The following GABRA3 variants were observed in gnomAD, a reference collection of about 807,000 sequenced individuals.
The protein encoded by GABRA3 is gamma-aminobutyric acid receptor subunit alpha-3.
GABRA3 carries 10 observed loss-of-function variants against 30.1 expected under a neutral mutation model. That is an observed-to-expected ratio of 0.33 (90% CI 0.20 to 0.56). The LOEUF (loss-of-function observed/expected upper bound fraction) is 0.56. Among genes scored for constraint, GABRA3 ranks in the 20% least tolerant of loss-of-function variants. The pLI is 0.89. For missense variants in GABRA3, 233 were observed against 392.0 expected (o/e 0.59, Z 3.42); for synonymous variants, 151 against 146.8 (o/e 1.03, Z -0.21).
intron 1 of GABRA3, among the ~76,000 whole-genome samples, chrX:152,426,671 A>G (rs754880698): frequency 8.9e-6 from 1 of 111,802 alleles, no homozygotes; most frequent in Non-Finnish European, 1.9e-5. Context: ...TCTTCGTTGC[A>G]TTCCTTATTC....
At chrX:152,224,705 T>C (rs1937904122) in intron 6 of GABRA3, 58 bp downstream of exon 6, 1 of 860,138 alleles carries the variant, frequency 1.2e-6, no homozygotes. Context: ...ATATGTTAAG[T>C]TTCTTTTGGA....
intron 1 of GABRA3, among the ~76,000 whole-genome samples, chrX:152,386,759 A>G (rs1343530597): frequency 9.0e-6 from 1 of 110,943 alleles, no homozygotes; most frequent in Non-Finnish European, 1.9e-5. Context: ...GGGATCTAGA[A>G]CCAGAAATAC....
intron 3 of GABRA3, among the ~76,000 whole-genome samples, chrX:152,303,542 G>T (rs1452491905): frequency 2.7e-5 from 3 of 111,851 alleles, no homozygotes; most frequent in African/African-American, 9.8e-5. Flanking sequence ...ATTTACAATA[G>T]CAAGGACTTG....
chrX:152,224,903 G>C lies in GABRA3; in HGVS notation c.552-58C>G, dbSNP rs996146876. 6.4e-5 allele frequency: 52 copies of C among 818,754 alleles called. No individual in the cohort carries two copies. The Middle Eastern group carries it at 8.7e-4, about 14-fold the overall frequency. The allele number at this position is 818,754 out of a possible 1,213,427, so 67.5% of individuals were successfully genotyped here. Reference sequence around the variant, plus strand: ...GCTAAAATAAATGTTATTAAACACAGGGCTGCATTCCCACTCAGTTCCTAA... The same window carrying C: ...GCTAAAATAAATGTTATTAAACACACGGCTGCATTCCCACTCAGTTCCTAA... On this transcript the variant is annotated intron_variant, in intron 5 of 9. Transcript: ENST00000370314.
intron 3 of GABRA3, among the ~76,000 whole-genome samples, chrX:152,332,894 T>C (rs936809579): frequency 8.9e-6 from 1 of 112,535 alleles, no homozygotes; most frequent in Non-Finnish European, 1.9e-5. Context: ...GGCTTGGGAA[T>C]TCAAATTCAG....
intron 6 of GABRA3, among the ~76,000 whole-genome samples, chrX:152,214,117 C>G (rs1937673265): frequency 9.0e-6 from 1 of 110,947 alleles, no homozygotes; most frequent in Non-Finnish European, 1.9e-5. Context: ...TATTATTCCA[C>G]TCTCTGTATC....
intron 5 of GABRA3, among the ~76,000 whole-genome samples, chrX:152,250,827 T>C (rs1938541209): frequency 9.0e-6 from 1 of 111,056 alleles, no homozygotes; most frequent in Admixed American, 9.6e-5. Context: ...AGTTTTCCCA[T>C]GGACTCCAGA....
At chrX:152,435,026 G>T (rs780691764) in intron 1 of GABRA3, among the ~76,000 whole-genome samples, 1 of 111,397 alleles carries the variant, frequency 9.0e-6, no homozygotes, top group African/African-American at 3.3e-5. Flanking sequence ...TCTACTAGAG[G>T]TCCTATCCAG....
intron 5 of GABRA3, among the ~76,000 whole-genome samples, chrX:152,252,073 G>A (rs1026594287): frequency 3.6e-5 from 4 of 110,934 alleles, no homozygotes; most frequent in African/African-American, 1.3e-4. Flanking sequence ...TCACAAATAT[G>A]TGTCAATCTC....
At chrX:152,322,955 C>T (rs1345333486) in intron 3 of GABRA3, among the ~76,000 whole-genome samples, 1 of 101,045 alleles carries the variant, frequency 9.9e-6, no homozygotes, top group Non-Finnish European at 2.0e-5. Context: ...CAGGTTCAAG[C>T]GATTCTCCTG....
At chrX:152,212,447 C>T (rs1055273023) in intron 6 of GABRA3, among the ~76,000 whole-genome samples, 9 of 109,227 alleles carry the variant, frequency 8.2e-5, no homozygotes, top group African/African-American at 2.0e-4. Flanking sequence ...TGTTGGAATA[C>T]GCACGTGTGT....
intron 1 of GABRA3, among the ~76,000 whole-genome samples, chrX:152,439,142 T>TTA (rs1237674665): frequency 9.1e-6 from 1 of 109,938 alleles, no homozygotes; most frequent in African/African-American, 3.3e-5. Flanking sequence ...TATTATTATT[T>TTA]TTTGAGATGA....
intron 4 of GABRA3, among the ~76,000 whole-genome samples, chrX:152,266,502 C>G (rs1347016551): frequency 3.6e-5 from 4 of 111,469 alleles, no homozygotes; most frequent in East Asian, 2.8e-4. Context: ...CCTCAGAATT[C>G]TATAGCCAAA....
At chrX:152,284,846 G>C in intron 3 of GABRA3, 111 bp from the exon 4 acceptor site, 1 of 452,480 alleles carries the variant, frequency 2.2e-6, no homozygotes, top group Non-Finnish European at 3.7e-6. Context: ...TTCTGAGAAA[G>C]GAAAACCCCT....
Position 152,343,786 on chromosome X carries a change from T to C in GABRA3, c.262+1795A>G, listed in dbSNP as rs535671825. Among the ~76,000 whole-genome samples, 18 of 112,428 alleles carry C rather than the reference T, an allele frequency of 1.6e-4. No homozygotes were observed. The South Asian group carries it at 5.8e-3, about 36-fold the overall frequency. On this transcript the variant is annotated intron_variant, in intron 3 of 9. Coordinates refer to ENST00000370314, the MANE Select transcript of GABRA3 (RefSeq NM_000808.4). ...CAAATATATATTTAACTTTACTTAATGTGTTTATTGTAGTACTATGGGTGT... is the reference window on the plus strand; with the variant it reads ...CAAATATATATTTAACTTTACTTAACGTGTTTATTGTAGTACTATGGGTGT...
At chrX:152,437,310 G>GATATA (rs1432973886) in intron 1 of GABRA3, among the ~76,000 whole-genome samples, 2 of 111,841 alleles carry the variant, frequency 1.8e-5, no homozygotes, top group Non-Finnish European at 3.8e-5. Context: ...AACAAAATAT[G>GATATA]TATATGATAT....
chrX:152,250,993 G>A lies in GABRA3; in HGVS notation c.551+4785C>T, dbSNP rs182227973. The A allele has an allele frequency of 5.6e-4, 125 of 222,464 alleles. 1 individual carries two copies. The East Asian group carries it at 0.011, about 20-fold the overall frequency. 18.3% of individuals were successfully genotyped at this position (222,464 alleles called of 1,213,427 possible). On this transcript the variant is annotated intron_variant, in intron 5 of 9. Coordinates refer to ENST00000370314, the MANE Select transcript of GABRA3 (RefSeq NM_000808.4). ...TATTATCAGACTAGAGAAAGTGAAC[G>A]GTTTGTGACTTGAGAAAGGTCACTA...
intron 6 of GABRA3, among the ~76,000 whole-genome samples, chrX:152,209,005 G>C (rs1937606778): frequency 1.8e-5 from 2 of 112,091 alleles, no homozygotes; most frequent in African/African-American, 6.5e-5. Flanking sequence ...CAGAAAAGTA[G>C]TACAAATTCA....
intron 9 of GABRA3, among the ~76,000 whole-genome samples, chrX:152,172,537 G>A (rs1301978201): frequency 2.7e-5 from 3 of 111,546 alleles, no homozygotes; most frequent in African/African-American, 9.8e-5. Context: ...AATGGTGGAA[G>A]CAACCCAAGT....
Sources: gnomAD v4.1 joint callset for allele counts (sites outside exome capture counted in the v4.1 genomes callset) on GRCh38, gnomAD v4.1.1 for gene constraint, MANE v1.5 for transcripts, NCBI Gene and HGNC (gene_info 2026-07-23, HGNC 2026-07-21) for gene names.